BCAT1: variants seen among roughly 807,000 people sequenced by gnomAD.
The protein encoded by BCAT1 is branched-chain-amino-acid aminotransferase, cytosolic.
A neutral mutation model predicts 52.4 loss-of-function variants in BCAT1; 48 were observed. That is an observed-to-expected ratio of 0.92 (90% CI 0.73 to 1.16). BCAT1 has a LOEUF of 1.16. Ranked by LOEUF, BCAT1 falls within the 50% of genes most tolerant of loss-of-function variation. The probability of loss-of-function intolerance (pLI) is 0.00; values close to 1 mark genes in which losing one functional copy is unlikely to be tolerated. For synonymous variants in BCAT1, 167 were observed against 161.3 expected, an observed-to-expected ratio of 1.04 and a Z score of -0.27; for missense variants, 451 against 457.1, an observed-to-expected ratio of 0.99 and a Z score of 0.12.
intron 3 of BCAT1, among the ~76,000 whole-genome samples, chr12:24,884,123 G>A (rs182620095): frequency 3.9e-5 from 6 of 152,256 alleles, no homozygotes; most frequent in South Asian, 2.1e-4. Context: ...CAGATGAATC[G>A]ATAAAGAAAA....
intron 4 of BCAT1, among the ~76,000 whole-genome samples, chr12:24,879,956 CTT>C (rs1431256674): frequency 1.3e-5 from 2 of 152,182 alleles, no homozygotes; most frequent in African/African-American, 4.8e-5. Context: ...ATTTTAAAGA[CTT>C]TTCCCCAGTG....
chr12:24,831,409 G>A (rs576773963), intron 9 of BCAT1, among the ~76,000 whole-genome samples: 4 of 152,266 alleles, frequency 2.6e-5, no homozygotes, highest in South Asian at 4.1e-4. Context: ...AGCACTTTGG[G>A]AGGTCAAGGC....
chr12:24,937,556 C>T (rs958473346), intron 1 of BCAT1, among the ~76,000 whole-genome samples: 1 of 152,102 alleles, frequency 6.6e-6, no homozygotes, highest in African/African-American at 2.4e-5. Context: ...CACTCTGTAG[C>T]CCAGGCTGGA....
intron 2 of BCAT1, among the ~76,000 whole-genome samples, chr12:24,898,621 G>A (rs778767112): frequency 7.1e-6 from 1 of 141,436 alleles, no homozygotes; most frequent in Non-Finnish European, 1.5e-5. Flanking sequence ...GTTCAAGCAA[G>A]TCTCAAGCCT....
At position 24,831,411 on chromosome 12, in the gene BCAT1, G is replaced by T. The variant is rs541019936; in HGVS notation, c.1044+1312C>A. On this transcript the variant is annotated intron_variant, in intron 9 of 10. Transcript: ENST00000261192. ...CGCCTGTAATACCAGCACTTTGGGA[G>T]GTCAAGGCAGGTGAATCACTTGAAC... 6.6e-5 allele frequency among the ~76,000 whole-genome samples: 10 copies of T among 152,260 alleles called. No individual in the cohort carries two copies. The South Asian group carries it at 2.1e-3, about 32-fold the overall frequency.
At chr12:24,926,159 G>T (rs1407993042) in intron 1 of BCAT1, among the ~76,000 whole-genome samples, 5 of 145,476 alleles carry the variant, frequency 3.4e-5, no homozygotes, top group Non-Finnish European at 7.6e-5. Flanking sequence ...GTCTCTGCCC[G>T]GCCGCCCATC....
intron 5 of BCAT1, among the ~76,000 whole-genome samples, chr12:24,859,892 T>C (rs1237415276): frequency 6.6e-6 from 1 of 152,222 alleles, no homozygotes; most frequent in Non-Finnish European, 1.5e-5. Flanking sequence ...CTGTCAAATA[T>C]GAAATGGTGT....
chr12:24,844,057 G>A (rs1048288895), intron 6 of BCAT1, among the ~76,000 whole-genome samples: 11 of 152,160 alleles, frequency 7.2e-5, no homozygotes, highest in African/African-American at 2.4e-4. Flanking sequence ...AAAGGGGGAT[G>A]TGCAAAGGAC....
At chr12:24,867,631 A>G (rs1428610768) in intron 5 of BCAT1, among the ~76,000 whole-genome samples, 1 of 152,204 alleles carries the variant, frequency 6.6e-6, no homozygotes. Context: ...TATTTATAAG[A>G]CTATTAAACA....
In BCAT1 at chr12:24,934,194, A is replaced by G. The variant is rs371583679; in HGVS notation, c.6+14733T>C. 4.6e-5 allele frequency among the ~76,000 whole-genome samples: 7 copies of G among 152,292 alleles called. No individual in the cohort carries two copies. The East Asian group carries it at 1.2e-3, about 25-fold the overall frequency. The stretch of plus-strand genomic sequence containing the variant: ...CCTAAGTGATTTCTTCTTAACTCCT[A>G]TATCATCATAAGATCTGATGGTTTA... On this transcript the variant is annotated intron_variant, in intron 1 of 10. Coordinates refer to ENST00000261192, the MANE Select transcript of BCAT1 (RefSeq NM_005504.7).
intron 5 of BCAT1, among the ~76,000 whole-genome samples, chr12:24,867,876 A>G (rs571619282): frequency 9.2e-5 from 14 of 152,252 alleles, no homozygotes; most frequent in Admixed American, 8.5e-4. Flanking sequence ...ATGGTGGCAC[A>G]TGCCTGTAAT....
chr12:24,919,287 G>C (rs73063650), intron 1 of BCAT1, among the ~76,000 whole-genome samples: 4 of 152,120 alleles, frequency 2.6e-5, no homozygotes, highest in Non-Finnish European at 5.9e-5. Context: ...TAACTTCCTC[G>C]CATTTCTGGA....
In BCAT1 at chr12:24,832,477, G is replaced by T. The variant is rs144370076; in HGVS notation, c.1044+246C>A. 1.0e-3 allele frequency among the ~76,000 whole-genome samples: 157 copies of T among 151,694 alleles called. 1 individual carries two copies. The South Asian group carries it at 0.013, about 12-fold the overall frequency. ...CCCAGCAACTCAGGAGGCTGAAGCA[G>T]AAGGATTGCGTGAGCCCAGGAGTTT... On this transcript the variant is annotated intron_variant, in intron 9 of 10. Coordinates refer to ENST00000261192, the MANE Select transcript of BCAT1 (RefSeq NM_005504.7).
intron 5 of BCAT1, among the ~76,000 whole-genome samples, chr12:24,852,017 G>A (rs1941530515): frequency 6.6e-6 from 1 of 152,110 alleles, no homozygotes; most frequent in Non-Finnish European, 1.5e-5. Flanking sequence ...GATCGTGGGG[G>A]TGAATTTCCT....
At chr12:24,866,935 C>T (rs141225333) in intron 5 of BCAT1, among the ~76,000 whole-genome samples, 1 of 152,312 alleles carries the variant, frequency 6.6e-6, no homozygotes, top group African/African-American at 2.4e-5. Flanking sequence ...AAGCTTTGTT[C>T]TCTCGCTCTT....
intron 8 of BCAT1, chr12:24,834,260 T>C: frequency 4.1e-6 from 4 of 984,988 alleles, no homozygotes; most frequent in Non-Finnish European, 4.8e-6. Flanking sequence ...CTAATATGAC[T>C]AACAGTTGAC....
chr12:24,938,064 T>C (rs769686026), intron 1 of BCAT1, among the ~76,000 whole-genome samples: 5 of 151,920 alleles, frequency 3.3e-5, no homozygotes, highest in Non-Finnish European at 5.9e-5. Flanking sequence ...AAACAGCACA[T>C]GGGAGGGAAG....
rs147662264 is a variant in BCAT1 at position 24,865,936 on chromosome 12, G to A, written c.510+12594C>T. On this transcript the variant is annotated intron_variant, in intron 5 of 10. Transcript: ENST00000261192. ...CTGGCAGCCCTCCCAGCCCTCACTCGCTCTCGGTGCCTCCTCGGCCTCGGC... is the reference window on the plus strand; with the variant it reads ...CTGGCAGCCCTCCCAGCCCTCACTCACTCTCGGTGCCTCCTCGGCCTCGGC... 5.0e-3 allele frequency among the ~76,000 whole-genome samples: 762 copies of A among 152,292 alleles called. 16 individuals carry two copies. The highest frequency in any genetic ancestry group is 0.025 in the Admixed American group (388 of 15,308).
intron 1 of BCAT1, among the ~76,000 whole-genome samples, chr12:24,939,809 G>A (rs1255428380): frequency 1.3e-5 from 2 of 152,132 alleles, no homozygotes; most frequent in Non-Finnish European, 2.9e-5. Context: ...ACTCCAGTCT[G>A]GGCGACAGAG....
Sources: gnomAD v4.1 joint callset for allele counts (sites outside exome capture counted in the v4.1 genomes callset) on GRCh38, gnomAD v4.1.1 for gene constraint, MANE v1.5 for transcripts, NCBI Gene and HGNC (gene_info 2026-07-23, HGNC 2026-07-21) for gene names.